The following SPAG6 variants were observed in gnomAD, a reference collection of about 807,000 sequenced individuals.
SPAG6 encodes sperm-associated antigen 6.
In SPAG6, 49 loss-of-function variants were observed where a neutral mutation model predicts 58.5. The ratio of observed to expected loss-of-function variants is 0.84; its 90% CI spans 0.67 to 1.06. SPAG6 has a LOEUF of 1.06. Among genes scored for constraint, SPAG6 ranks in the 50% least tolerant of loss-of-function variants. SPAG6 has a pLI of 0.00. For synonymous variants in SPAG6, 233 were observed against 225.6 expected, an observed-to-expected ratio of 1.03 and a Z score of -0.29; for missense variants, 560 against 611.3, an observed-to-expected ratio of 0.92 and a Z score of 0.89.
intron 2 of SPAG6, chr10:22,346,048 CA>C (rs1445715982): frequency 6.5e-7 from 1 of 1,536,376 alleles, no homozygotes; most frequent in African/African-American, 1.4e-5. Flanking sequence ...TGCACACAGG[CA>C]AGTGTCAGGT....
Position 22,345,625 on chromosome 10 carries a change from A to T in SPAG6, c.14A>T (p.Gln5Leu). The T allele has an allele frequency of 6.5e-7, 1 of 1,537,182 alleles. No homozygotes were observed. The highest frequency in any genetic ancestry group is 8.7e-7 in the Non-Finnish European group (1 of 1,143,252). ...GGCGGGGGCGCCATGAGTCAGAGGCAGGTGCTGCAAGGTAGGGCCGAGGCG... is the reference window on the plus strand; with the variant it reads ...GGCGGGGGCGCCATGAGTCAGAGGCTGGTGCTGCAAGGTAGGGCCGAGGCG... MSQR[Q>L]VLQVFEQYQK... The change falls in exon 1 of 11, where the codon CAG becomes CTG. Residue 5 changes from glutamine (Q) to leucine (L), a missense_variant. Transcript: ENST00000376624. The surrounding 1 kb of genome is among the most constrained non-coding windows in gnomAD (Gnocchi z 6.3).
chr10:22,411,047 G>A lies in SPAG6; in HGVS notation c.1331G>A (p.Ser444Asn). The change falls in exon 10 of 11, where the codon AGC becomes AAC. Residue 444 changes from serine (S) to asparagine (N), a missense_variant. Physicochemically the swap from Ser to Asn is conservative, Grantham distance 46. Transcript: ENST00000376624. ...CTTTGCAAGGTGCTGCCGCATGATA[G>A]CAAAGCTCGACGACTTTTTGTAACA... Reference protein sequence around the residue: ...GQFSKVLPHDSKARRLFVTSG... With the variant: ...GQFSKVLPHDNKARRLFVTSG... 1 of 1,613,866 alleles carries A rather than the reference G, an allele frequency of 6.2e-7. No homozygotes were observed.
intron 9 of SPAG6, among the ~76,000 whole-genome samples, chr10:22,404,655 T>G (rs1834505271): frequency 7.5e-6 from 1 of 133,032 alleles, no homozygotes; most frequent in Non-Finnish European, 1.6e-5. Flanking sequence ...TAAAGTAGTT[T>G]TTTCCAATTC....
In SPAG6 at chr10:22,365,024, G is replaced by A. The variant is rs1837156860; in HGVS notation, c.288+5G>A. ...TATTCATTGGCAGAACAGAATGTAA[G>A]AATTAAAAAAAACTAGTTATATGTT... On this transcript the variant is annotated splice_donor_5th_base_variant and intron_variant, in intron 3 of 10. Coordinates refer to ENST00000376624, the MANE Select transcript of SPAG6 (RefSeq NM_012443.4). The A allele has an allele frequency of 6.4e-7, 1 of 1,565,844 alleles. No individual in the cohort carries two copies. Among genetic ancestry groups the A allele is most frequent in the Non-Finnish European group, 8.6e-7 (1 of 1,158,912 alleles).
intron 8 of SPAG6, among the ~76,000 whole-genome samples, chr10:22,398,484 T>C (rs1230126018): frequency 1.3e-5 from 2 of 152,222 alleles, no homozygotes; most frequent in Non-Finnish European, 2.9e-5. Context: ...CCCAACACTT[T>C]GGAGGACAAG....
rs1588634734 is a variant in SPAG6, at chr10:22,354,866, AGGTGTGGT to A, written c.121+9051_121+9058del. On this transcript the variant is annotated intron_variant, in intron 2 of 10. Transcript: ENST00000376624. ...TCTACTAAAAATACAAAAATTAGCC[AGGTGTGGT>A]GGCAGGCGCCTGTAATCCCAGCTAC... Among the ~76,000 whole-genome samples, 9 of 152,090 alleles carry A rather than the reference AGGTGTGGT, an allele frequency of 5.9e-5. 1 individual carries two copies. The East Asian group carries it at 1.7e-3, about 29-fold the overall frequency.
At chr10:22,354,056 G>C (rs927081509) in intron 2 of SPAG6, among the ~76,000 whole-genome samples, 1 of 152,162 alleles carries the variant, frequency 6.6e-6, no homozygotes, top group Non-Finnish European at 1.5e-5. Flanking sequence ...GAAGGGCCTC[G>C]TATGAAGTTT....
At chr10:22,413,208 G>A (rs932981569) in intron 10 of SPAG6, 1 of 150,776 alleles carries the variant, frequency 6.6e-6, no homozygotes, top group African/African-American at 2.4e-5. Context: ...TTGAGCACCA[G>A]GAAAAACTAC....
rs143121480 is a variant in SPAG6 at position 22,401,200 on chromosome 10, T to C, written c.1237T>C (p.Tyr413His). 670 of 1,606,250 alleles carry C rather than the reference T, an allele frequency of 4.2e-4. 7 individuals carry two copies. In the East Asian group the frequency reaches 0.014, roughly 33 times the overall value. The change falls in exon 9 of 11, where the codon TAC becomes CAC. Residue 413 changes from tyrosine to histidine, a missense_variant. Tyr to His is a moderately conservative substitution (Grantham distance 83, BLOSUM62 2). Transcript: ENST00000376624. ...AIKNILQKCT[Y>H]LPALEPFLYD... Reference sequence around the variant, plus strand: ...AAAGAATATCCTGCAAAAATGTACCTACTTACCAGCCCTTGAACCATTTCT... The same window carrying C: ...AAAGAATATCCTGCAAAAATGTACCCACTTACCAGCCCTTGAACCATTTCT...
intron 4 of SPAG6, among the ~76,000 whole-genome samples, chr10:22,385,929 T>C (rs1353300374): frequency 6.6e-6 from 1 of 152,188 alleles, no homozygotes; most frequent in Non-Finnish European, 1.5e-5. Flanking sequence ...GTAGAATCTG[T>C]AACTGTGTGT....
intron 9 of SPAG6, among the ~76,000 whole-genome samples, chr10:22,405,276 T>C (rs1834522600): frequency 6.6e-6 from 1 of 151,960 alleles, no homozygotes; most frequent in Non-Finnish European, 1.5e-5. Context: ...TGTGGGTTTG[T>C]CATAGATAGC....
chr10:22,357,883 C>T lies in SPAG6; in HGVS notation c.122-6970C>T, dbSNP rs1275466310. Among the ~76,000 whole-genome samples the T allele has an allele frequency of 1.4e-4, 22 of 152,086 alleles. No individual in the cohort carries two copies. In the East Asian group the frequency reaches 3.3e-3, roughly 23 times the overall value. ...GTTTACTGAGAATGATGATTTCCAG[C>T]TTCATCCATGTCCCTACAAAGGACC... On this transcript the variant is annotated intron_variant, in intron 2 of 10. Coordinates refer to ENST00000376624, the MANE Select transcript of SPAG6 (RefSeq NM_012443.4).
At chr10:22,381,739 C>G (rs935668627) in intron 4 of SPAG6, among the ~76,000 whole-genome samples, 3 of 152,198 alleles carry the variant, frequency 2.0e-5, no homozygotes, top group African/African-American at 7.2e-5. Context: ...TGTCTGCTCT[C>G]TTCCCTTCCA....
intron 2 of SPAG6, among the ~76,000 whole-genome samples, chr10:22,356,468 T>C (rs1836870784): frequency 6.6e-6 from 1 of 152,252 alleles, no homozygotes; most frequent in South Asian, 2.1e-4. Flanking sequence ...CCAGTGACTT[T>C]CCTTTCCCCT....
chr10:22,411,258 C>A, intron 10 of SPAG6, 82 bp downstream of exon 10: 1 of 1,204,658 alleles, frequency 8.3e-7, no homozygotes, highest in Non-Finnish European at 1.2e-6. Flanking sequence ...TCCACTGTGT[C>A]AAAATGTGGA....
intron 8 of SPAG6, among the ~76,000 whole-genome samples, chr10:22,396,229 C>T (rs1018042143): frequency 5.3e-5 from 8 of 152,110 alleles, no homozygotes; most frequent in East Asian, 1.9e-4. Context: ...ATAATTCCCA[C>T]GTGTTGTGGG....
At chr10:22,366,412 G>T (rs893772815) in intron 3 of SPAG6, among the ~76,000 whole-genome samples, 1 of 152,148 alleles carries the variant, frequency 6.6e-6, no homozygotes, top group African/African-American at 2.4e-5. Context: ...AAGGAGAAGG[G>T]AATGGGAATT....
At chr10:22,357,595 T>C (rs936929170) in intron 2 of SPAG6, among the ~76,000 whole-genome samples, 6 of 152,086 alleles carry the variant, frequency 3.9e-5, no homozygotes, top group African/African-American at 1.4e-4. Flanking sequence ...TTTTTAATTA[T>C]TATTATACTT....
At position 22,417,533 on chromosome 10, in the gene SPAG6, G is replaced by A. The variant is rs1463880533; in HGVS notation, c.*845G>A. 6.6e-6 allele frequency: 1 copy of A among 152,314 alleles called. No individual in the cohort carries two copies. The highest frequency in any genetic ancestry group is 1.9e-4 in the East Asian group (1 of 5,184). 9.4% of individuals were successfully genotyped at this position (152,314 alleles called of 1,614,324 possible). A position where few individuals can be genotyped will look rare whatever the true frequency, so the allele number is the denominator to read the frequency against. ...TTTGAAGCTAATACCATCAGGCTCA[G>A]AGTTTACATGCATTTTTACTTAGGA... On this transcript the variant is annotated 3_prime_UTR_variant, in exon 11 of 11. Coordinates refer to ENST00000376624, the MANE Select transcript of SPAG6 (RefSeq NM_012443.4).
Sources: allele counts gnomAD v4.1 joint callset (sites outside exome capture counted in the v4.1 genomes callset), GRCh38; gene constraint gnomAD v4.1.1; non-coding constraint Gnocchi (gnomAD v3.1); transcripts MANE v1.5; gene names NCBI Gene and HGNC (gene_info 2026-07-23, HGNC 2026-07-21).